Variants in DGKB observed in about 807,000 individuals in gnomAD.
DGKB encodes 90 kDa diacylglycerol kinase.
DGKB carries 67 observed loss-of-function variants against 114.3 expected under a neutral mutation model. The observed-to-expected ratio is 0.59, with a 90% CI of 0.48 to 0.72. DGKB has a LOEUF of 0.72. DGKB is among the 30% of genes least tolerant of loss of function. The pLI, the probability that DGKB is intolerant of heterozygous loss-of-function variation, is 0.00. For synonymous variants in DGKB, 398 were observed against 323.1 expected, an observed-to-expected ratio of 1.23 and a Z score of -2.49; for missense variants, 907 against 975.2, an observed-to-expected ratio of 0.93 and a Z score of 0.93.
At chr7:14,882,819 T>C (rs1299469210) in intron 1 of DGKB, among the ~76,000 whole-genome samples, 2 of 152,058 alleles carry the variant, frequency 1.3e-5, no homozygotes, top group African/African-American at 4.8e-5. Flanking sequence ...ATATGCCACA[T>C]TTTCTTTATC....
At chr7:14,916,427 C>T (rs1001061367) in intron 1 of DGKB, among the ~76,000 whole-genome samples, 2 of 151,802 alleles carry the variant, frequency 1.3e-5, no homozygotes, top group African/African-American at 4.8e-5. Context: ...AAAAAAGATT[C>T]AACAAATATA....
At chr7:14,698,910 T>C (rs74808680) in intron 7 of DGKB, among the ~76,000 whole-genome samples, 1 of 152,254 alleles carries the variant, frequency 6.6e-6, no homozygotes, top group East Asian at 1.9e-4. Flanking sequence ...CATTACATAA[T>C]TTGAAAAGTG....
At position 14,362,072 on chromosome 7, in the gene DGKB, C is replaced by T. The variant is rs146092292; in HGVS notation, c.1836-16681G>A. Among the ~76,000 whole-genome samples, 458 of 152,044 alleles carry T rather than the reference C, an allele frequency of 3.0e-3. 14 individuals are homozygous for T. The highest frequency in any genetic ancestry group is 0.028 in the Admixed American group (423 of 15,230). On this transcript the variant is annotated intron_variant, in intron 21 of 25. Coordinates refer to ENST00000402815, the MANE Select transcript of DGKB (RefSeq NM_001350709.2). ...TTTAGGTTAGTGACTCATTTAGATA[C>T]GCTTTCTATACTGAACAGATTACAG...
chr7:14,442,616 T>C (rs182471876), intron 21 of DGKB, among the ~76,000 whole-genome samples: 1 of 152,326 alleles, frequency 6.6e-6, no homozygotes, highest in East Asian at 1.9e-4. Context: ...TTTGCAGATA[T>C]AAATTTCCTG....
At chr7:14,152,606 C>T (rs1286997663) in intron 25 of DGKB, among the ~76,000 whole-genome samples, 1 of 151,990 alleles carries the variant, frequency 6.6e-6, no homozygotes. Flanking sequence ...CTACTTCTGT[C>T]TTCCTGTTTC....
chr7:14,352,330 G>GA (rs199538810), intron 21 of DGKB, among the ~76,000 whole-genome samples: 70 of 150,082 alleles, frequency 4.7e-4, no homozygotes, highest in Middle Eastern at 3.4e-3. Context: ...ATTCCCTATG[G>GA]AAAAAAAAAG....
At chr7:14,670,220 ATGTG>A (rs939845829) in intron 13 of DGKB, among the ~76,000 whole-genome samples, 2 of 151,028 alleles carry the variant, frequency 1.3e-5, no homozygotes, top group African/African-American at 4.9e-5. Context: ...GTGTGTGTGC[ATGTG>A]TGTGTGTGTA....
intron 1 of DGKB, among the ~76,000 whole-genome samples, chr7:14,881,324 C>A (rs774455444): frequency 6.6e-6 from 1 of 152,124 alleles, no homozygotes; most frequent in Non-Finnish European, 1.5e-5. Flanking sequence ...TTTCCATAGT[C>A]CTGTCACCAT....
intron 25 of DGKB, among the ~76,000 whole-genome samples, chr7:14,160,227 T>C (rs1258986161): frequency 1.3e-5 from 2 of 152,076 alleles, no homozygotes; most frequent in Admixed American, 6.6e-5. Flanking sequence ...GTCAAAGATA[T>C]CCTCTCTCAC....
At chr7:14,203,147 A>G (rs1034074145) in intron 23 of DGKB, among the ~76,000 whole-genome samples, 1 of 127,044 alleles carries the variant, frequency 7.9e-6, no homozygotes, top group Non-Finnish European at 1.6e-5. Flanking sequence ...GCCAGTATCA[A>G]AAAGAGCAGT....
Position 14,396,435 on chromosome 7 carries a change from G to A in DGKB, c.1836-51044C>T, listed in dbSNP as rs142433107. Among the ~76,000 whole-genome samples the A allele has an allele frequency of 2.3e-3, 350 of 152,004 alleles. 1 individual carries two copies. Among genetic ancestry groups the A allele is most frequent in the African/African-American group, 6.6e-3 (274 of 41,444 alleles). On this transcript the variant is annotated intron_variant, in intron 21 of 25. Coordinates refer to ENST00000402815, the MANE Select transcript of DGKB (RefSeq NM_001350709.2). ...GAAAGCTGTGTTGGCTTACCATCAG[G>A]GACTCCATTAATTTTAGATTCATAT...
intron 21 of DGKB, among the ~76,000 whole-genome samples, chr7:14,364,240 C>T (rs1284775270): frequency 6.6e-6 from 1 of 151,966 alleles, no homozygotes; most frequent in African/African-American, 2.4e-5. Context: ...TCCAAAAATA[C>T]AGACATAGCA....
At chr7:14,688,211 C>T (rs181431584) in intron 9 of DGKB, among the ~76,000 whole-genome samples, 8 of 152,216 alleles carry the variant, frequency 5.3e-5, no homozygotes, top group Admixed American at 3.9e-4. Flanking sequence ...TCCTATTAGT[C>T]CTTCCACTGC....
chr7:14,958,992 C>A (rs1786682244), intron 1 of DGKB, among the ~76,000 whole-genome samples: 1 of 152,018 alleles, frequency 6.6e-6, no homozygotes, highest in Non-Finnish European at 1.5e-5. Flanking sequence ...TTCTGGAATT[C>A]ATCTCTGTCA....
At chr7:14,970,194 T>C (rs1787375543) in intron 1 of DGKB, among the ~76,000 whole-genome samples, 1 of 152,184 alleles carries the variant, frequency 6.6e-6, no homozygotes, top group Admixed American at 6.5e-5. Context: ...TTGTAGAGAT[T>C]GGCTGCTACC....
intron 23 of DGKB, among the ~76,000 whole-genome samples, chr7:14,219,391 G>C (rs1789550934): frequency 6.6e-6 from 1 of 151,824 alleles, no homozygotes; most frequent in Non-Finnish European, 1.5e-5. Flanking sequence ...GTGACCAACA[G>C]GGTATAAGGG....
intron 20 of DGKB, among the ~76,000 whole-genome samples, chr7:14,491,388 G>A (rs13221160): frequency 0.54 from 81,563 of 151,794 alleles, 22,453 homozygotes; most frequent in East Asian, 0.7. Flanking sequence ...TCCCAGGCAC[G>A]TGGAACTGTG....
chr7:14,274,498 T>C (rs915931894), intron 23 of DGKB, among the ~76,000 whole-genome samples: 3 of 152,168 alleles, frequency 2.0e-5, no homozygotes, highest in African/African-American at 7.2e-5. Flanking sequence ...ACTTGATACC[T>C]TTCCGCATTA....
At chr7:14,662,857 T>C (rs1297199837) in intron 13 of DGKB, among the ~76,000 whole-genome samples, 1 of 151,964 alleles carries the variant, frequency 6.6e-6, no homozygotes, top group Non-Finnish European at 1.5e-5. Context: ...ATGTTTAAAT[T>C]CTTTTTCTTT....
Sources: gnomAD v4.1 joint callset for allele counts (sites outside exome capture counted in the v4.1 genomes callset) on GRCh38, gnomAD v4.1.1 for gene constraint, MANE v1.5 for transcripts, NCBI Gene and HGNC (gene_info 2026-07-23, HGNC 2026-07-21) for gene names.